TIAM2: variants seen among roughly 807,000 people sequenced by gnomAD.
TIAM2 encodes rho guanine nucleotide exchange factor TIAM2.
TIAM2 carries 80 observed loss-of-function variants against 152.9 expected under a neutral mutation model. That is an observed-to-expected ratio of 0.52 (90% CI 0.44 to 0.63). The LOEUF (loss-of-function observed/expected upper bound fraction) is 0.63, where lower values mean the gene tolerates loss of function less well. Among genes scored for constraint, TIAM2 ranks in the 30% least tolerant of loss-of-function variants. The pLI is 0.00. For synonymous variants in TIAM2, 804 were observed against 838.0 expected (o/e 0.96, Z 0.70); for missense variants, 1,965 against 2,120.1 (o/e 0.93, Z 1.44).
At chr6:155,061,026 A>T (rs9480035) in intron 1 of TIAM2, among the ~76,000 whole-genome samples, 45,019 of 152,048 alleles carry the variant, frequency 0.3, 7,223 homozygotes, top group Middle Eastern at 0.37. Context: ...AGAATCAGCC[A>T]TTTCTCCAAG....
At chr6:155,245,755 G>GTTTTTTTTTTTT (rs11435976) in intron 19 of TIAM2, 24 bp downstream of exon 19, 3 of 1,023,428 alleles carry the variant, frequency 2.9e-6, no homozygotes, top group Admixed American at 2.7e-5. Flanking sequence ...GCCTTTTATA[G>GTTTTTTTTTTTT]TTTTTTTTTT....
At chr6:155,120,662 A>C (rs1261814859) in intron 2 of TIAM2, among the ~76,000 whole-genome samples, 1 of 152,222 alleles carries the variant, frequency 6.6e-6, no homozygotes, top group East Asian at 1.9e-4. Context: ...TAGAGACAAT[A>C]ATAAAACTTC....
intron 14 of TIAM2, among the ~76,000 whole-genome samples, chr6:155,203,048 C>CAAAATAAAAAA (rs1781514594): frequency 1.3e-5 from 1 of 78,920 alleles, no homozygotes; most frequent in Non-Finnish European, 2.2e-5. Context: ...AACTCTGTCT[C>CAAAATAAAAAA]AAAAAAAAAA....
chr6:155,116,341 G>A lies in TIAM2; in HGVS notation c.-117-11149G>A, dbSNP rs1387519053. On this transcript the variant is annotated intron_variant, in intron 2 of 26. Coordinates refer to ENST00000682666, the MANE Select transcript of TIAM2 (RefSeq NM_012454.4). ...GCAATGATTGGTTAATTTACCTGCA[G>A]CCCTCAGGGAGAATCTACATTGTAG... Among the ~76,000 whole-genome samples, 3 of 152,058 alleles carry A rather than the reference G, an allele frequency of 2.0e-5. No individual in the cohort carries two copies. The East Asian group carries it at 5.8e-4, about 29-fold the overall frequency.
At position 155,254,444 on chromosome 6, in the gene TIAM2, G is replaced by A; in HGVS notation, c.4339G>A (p.Val1447Ile). The change falls in exon 26 of 27, where the codon GTT becomes ATT. Residue 1447 changes from valine (V) to isoleucine (I), a missense_variant. This residue lies in a region of TIAM2 where 935 missense variants were observed against 980.0 expected (regional missense o/e 0.95). Coordinates refer to ENST00000682666, the MANE Select transcript of TIAM2 (RefSeq NM_012454.4). ...CSDSESKTNIVKVIRSILREN... is the reference protein window; with the variant it reads ...CSDSESKTNIIKVIRSILREN... ...TGACAGTGAAAGCAAAACCAACATTGTTAAGGTGATTCGTTCTATTCTGAG... is the reference window on the plus strand; with the variant it reads ...TGACAGTGAAAGCAAAACCAACATTATTAAGGTGATTCGTTCTATTCTGAG... 3 of 1,613,760 alleles carry A rather than the reference G, an allele frequency of 1.9e-6. No individual in the cohort carries two copies. Among genetic ancestry groups the A allele is most frequent in the Non-Finnish European group, 2.5e-6 (3 of 1,179,704 alleles).
chr6:155,140,528 G>C (rs1046743208), intron 5 of TIAM2, among the ~76,000 whole-genome samples: 1 of 151,656 alleles, frequency 6.6e-6, no homozygotes, highest in East Asian at 1.9e-4. Context: ...GTGGGGGTTA[G>C]ACTGGGAGGC....
chr6:155,122,886 C>T (rs761450165), intron 2 of TIAM2, among the ~76,000 whole-genome samples: 41 of 148,446 alleles, frequency 2.8e-4, no homozygotes, highest in Non-Finnish European at 5.7e-4. Context: ...TGAATGAAAT[C>T]TGTTGTTTTT....
intron 1 of TIAM2, among the ~76,000 whole-genome samples, chr6:155,029,667 C>A (rs1255076394): frequency 1.1e-3 from 123 of 112,570 alleles, no homozygotes; most frequent in Admixed American, 2.3e-3. Context: ...AGTTATATAA[C>A]TATATACAGA....
At chr6:155,109,928 T>C (rs1778794909) in intron 2 of TIAM2, among the ~76,000 whole-genome samples, 1 of 147,498 alleles carries the variant, frequency 6.8e-6, no homozygotes, top group Non-Finnish European at 1.5e-5. Flanking sequence ...TGCAAATATA[T>C]ACAGACAAAT....
chr6:155,179,553 A>C, intron 12 of TIAM2, 97 bp downstream of exon 12: 1 of 1,088,762 alleles, frequency 9.2e-7, no homozygotes, highest in Non-Finnish European at 1.3e-6. Context: ...CCTTACATTC[A>C]CATTTTCAGA....
intron 1 of TIAM2, among the ~76,000 whole-genome samples, chr6:155,076,411 T>C (rs540572503): frequency 2.0e-5 from 3 of 152,302 alleles, no homozygotes; most frequent in Admixed American, 6.5e-5. Context: ...ATGGGAAATA[T>C]GTTGCTAATT....
intron 4 of TIAM2, among the ~76,000 whole-genome samples, chr6:155,136,431 G>A (rs1179909665): frequency 4.6e-5 from 7 of 151,584 alleles, no homozygotes; most frequent in Non-Finnish European, 8.8e-5. Flanking sequence ...CTCACCGCCA[G>A]GCCTGGCTAA....
intron 14 of TIAM2, among the ~76,000 whole-genome samples, chr6:155,196,269 A>G (rs1302918911): frequency 6.6e-6 from 1 of 152,178 alleles, no homozygotes; most frequent in African/African-American, 2.4e-5. Flanking sequence ...CAGTTAAAAT[A>G]GGAAGATGGG....
intron 2 of TIAM2, among the ~76,000 whole-genome samples, chr6:155,104,673 C>T (rs1323071378): frequency 6.6e-6 from 1 of 151,570 alleles, no homozygotes; most frequent in Admixed American, 6.6e-5. Flanking sequence ...AGGGGAATCG[C>T]TTGAACCCGG....
At position 155,256,888 on chromosome 6, in the gene TIAM2, C is replaced by G. The variant is rs201653955; in HGVS notation, c.4873C>G (p.Pro1625Ala). 2.5e-6 allele frequency: 4 copies of G among 1,614,206 alleles called. No homozygotes were observed. The highest frequency in any genetic ancestry group is 2.5e-6 in the Non-Finnish European group (3 of 1,180,016). Residue 1625 changes from proline to alanine, a missense_variant, in exon 27 of 27, where the codon CCC becomes GCC. Pro to Ala is a conservative substitution (Grantham distance 27, BLOSUM62 -1). Around this residue, in one of 3 missense-constraint regions of TIAM2, gnomAD observed 935 missense variants for 980.0 expected, o/e 0.95. Transcript: ENST00000682666. ...TGAGGGTCAGAAAGGAGGAGAGCAG[C>G]CCAAACTGGTCCGGGGGCACTTCTG... is the stretch of plus-strand genomic sequence containing the variant. ...SGEGQKGGEQPKLVRGHFCPI... is the reference protein window; with the variant it reads ...SGEGQKGGEQAKLVRGHFCPI...
At chr6:155,047,696 A>AGGG (rs1203081358) in intron 1 of TIAM2, among the ~76,000 whole-genome samples, 2 of 13,780 alleles carry the variant, frequency 1.5e-4, no homozygotes, top group Non-Finnish European at 3.2e-4. Context: ...GAGGAGAGAG[A>AGGG]GAGAGAGAGC....
intron 15 of TIAM2, among the ~76,000 whole-genome samples, chr6:155,223,182 T>C: frequency 6.6e-6 from 1 of 152,230 alleles, no homozygotes; most frequent in East Asian, 1.9e-4. Flanking sequence ...CAGCTTTCCC[T>C]GTTAGGAATT....
intron 2 of TIAM2, among the ~76,000 whole-genome samples, chr6:155,092,001 A>G (rs529108858): frequency 1.3e-5 from 2 of 152,314 alleles, no homozygotes; most frequent in South Asian, 2.1e-4. Context: ...GGGATCAAGC[A>G]GTCCTCCCAC....
chr6:155,132,397 C>A (rs181669264), intron 4 of TIAM2, among the ~76,000 whole-genome samples: 3 of 151,928 alleles, frequency 2.0e-5, no homozygotes, highest in Admixed American at 2.0e-4. Flanking sequence ...GCCTCCACCA[C>A]CCCCTCCTGT....
Sources: allele counts gnomAD v4.1 joint callset (sites outside exome capture counted in the v4.1 genomes callset), GRCh38; gene constraint gnomAD v4.1.1; regional missense constraint gnomAD v4.1.1; transcripts MANE v1.5; gene names NCBI Gene and HGNC (gene_info 2026-07-23, HGNC 2026-07-21).